Variants in SSUH2 observed in about 807,000 individuals in gnomAD.
The protein encoded by SSUH2 is protein SSUH2 homolog.
SSUH2 carries 47 observed loss-of-function variants against 55.3 expected under a neutral mutation model. That is an observed-to-expected ratio of 0.85 (90% CI 0.67 to 1.08). The LOEUF (loss-of-function observed/expected upper bound fraction) is 1.08, where lower values mean the gene tolerates loss of function less well. Ranked by LOEUF, SSUH2 falls within the 50% of genes least tolerant of loss-of-function variation. The pLI is 0.00. For synonymous variants in SSUH2, 212 were observed against 191.5 expected (o/e 1.11, Z -0.89); for missense variants, 535 against 490.7 (o/e 1.09, Z -0.85).
At chr3:8,654,168 T>C (rs755011463) in intron 7 of SSUH2, among the ~76,000 whole-genome samples, 80 of 152,310 alleles carry the variant, frequency 5.3e-4, no homozygotes, top group Middle Eastern at 3.4e-3. Context: ...TATGCCCTCA[T>C]GTGGAGAGGA....
chr3:8,668,490 C>A (rs997610768), intron 5 of SSUH2, among the ~76,000 whole-genome samples: 14 of 152,156 alleles, frequency 9.2e-5, no homozygotes, highest in Admixed American at 9.2e-4. Context: ...TCCATTATTT[C>A]TCTTTTTTTT....
chr3:8,629,633 C>CTGACTCACCAATGGTTCACAGA, intron 7 of SSUH2, 31 bp downstream of exon 7: 1 of 1,587,726 alleles, frequency 6.3e-7, no homozygotes, highest in Non-Finnish European at 8.6e-7. Context: ...CACACCCTCA[C>CTGACTCACCAATGGTTCACAGA]TGACTCACCA....
chr3:8,638,379 C>T (rs1283550405), intron 1 of SSUH2, among the ~76,000 whole-genome samples: 2 of 152,206 alleles, frequency 1.3e-5, no homozygotes, highest in African/African-American at 4.8e-5. Flanking sequence ...AAGGTCTTTT[C>T]CTCCTGGCAG....
In SSUH2 at chr3:8,670,804, T is replaced by C. The variant is rs181929799; in HGVS notation, c.-455+194A>G. ...GACGATTCATATCACAGGGTATACA[T>C]CCCCTTGACAATAGTAGCAACATTC... On this transcript the variant is annotated intron_variant, in intron 5 of 18. Transcript: ENST00000317371. Among the ~76,000 whole-genome samples, 4 of 152,070 alleles carry C rather than the reference T, an allele frequency of 2.6e-5. No individual in the cohort carries two copies. The East Asian group carries it at 5.8e-4, about 22-fold the overall frequency.
At chr3:8,624,913 G>C (rs142527615) in intron 10 of SSUH2, among the ~76,000 whole-genome samples, 1 of 152,070 alleles carries the variant, frequency 6.6e-6, no homozygotes, top group East Asian at 1.9e-4. Context: ...TCGCTCCCAC[G>C]CCACAAGGTC....
At chr3:8,623,006 C>T (rs529086264) in intron 11 of SSUH2, among the ~76,000 whole-genome samples, 1 of 152,314 alleles carries the variant, frequency 6.6e-6, no homozygotes, top group South Asian at 2.1e-4. Flanking sequence ...GGCCAACCTC[C>T]CACGTTAGGG....
chr3:8,650,396 C>A (rs565108537), intron 7 of SSUH2, among the ~76,000 whole-genome samples: 2 of 152,154 alleles, frequency 1.3e-5, no homozygotes, highest in East Asian at 3.9e-4. Flanking sequence ...GTGAACAGAG[C>A]CTGGAAAATA....
intron 4 of SSUH2, among the ~76,000 whole-genome samples, chr3:8,632,928 A>G (rs997736263): frequency 3.3e-5 from 5 of 152,200 alleles, no homozygotes; most frequent in African/African-American, 1.2e-4. Context: ...CTTTGAGGCT[A>G]CCAAATCTGA....
chr3:8,621,252 T>C (rs9873774), intron 11 of SSUH2, among the ~76,000 whole-genome samples: 5,359 of 152,298 alleles, frequency 0.035, 293 homozygotes, highest in African/African-American at 0.12. Flanking sequence ...GGTGGCATGA[T>C]TGGCCCAGGG....
chr3:8,671,075 G>T (rs1353845238), exon 5 of SSUH2: 1 of 323,466 alleles, frequency 3.1e-6, no homozygotes, highest in African/African-American at 2.1e-5. Flanking sequence ...ATTGTGAAAT[G>T]ACTAGTGAAG....
intron 6 of SSUH2, among the ~76,000 whole-genome samples, chr3:8,662,029 C>T (rs1022761658): frequency 7.2e-5 from 11 of 152,142 alleles, no homozygotes; most frequent in African/African-American, 2.7e-4. Context: ...GTGAGGCTGC[C>T]CCAGCCACGT....
In SSUH2 at chr3:8,629,071, A is replaced by G. The variant is rs569217983; in HGVS notation, c.588+593T>C. On this transcript the variant is annotated intron_variant, in intron 7 of 11. Transcript: ENST00000544814. Reference sequence around the variant, plus strand: ...AGACGGGGTTTCACCGTGTTAGCCCAGATGGTCTCGATCTCTTGACCTCGT... The same window carrying G: ...AGACGGGGTTTCACCGTGTTAGCCCGGATGGTCTCGATCTCTTGACCTCGT... Among the ~76,000 whole-genome samples, 190 of 152,196 alleles carry G rather than the reference A, an allele frequency of 1.2e-3. 1 individual carries two copies. The Middle Eastern group carries it at 0.014, about 11-fold the overall frequency.
intron 5 of SSUH2, among the ~76,000 whole-genome samples, chr3:8,668,421 GATT>G (rs1559528320): frequency 6.6e-6 from 1 of 152,166 alleles, no homozygotes; most frequent in Non-Finnish European, 1.5e-5. Context: ...ATCTCTCTTG[GATT>G]ATTGTCTTAA....
chr3:8,652,517 G>A (rs1702528721), intron 7 of SSUH2, among the ~76,000 whole-genome samples: 1 of 152,162 alleles, frequency 6.6e-6, no homozygotes, highest in African/African-American at 2.4e-5. Flanking sequence ...ATAAGAGAGA[G>A]GAAAGAAAGG....
At chr3:8,645,476 C>G (rs1039297261), upstream of SSUH2, among the ~76,000 whole-genome samples, 5 of 152,180 alleles carry the variant, frequency 3.3e-5, no homozygotes, top group African/African-American at 4.8e-5. Flanking sequence ...TTTGACACCC[C>G]TTCAACCTCA....
chr3:8,670,359 T>C (rs1246717780), intron 5 of SSUH2, among the ~76,000 whole-genome samples: 1 of 151,994 alleles, frequency 6.6e-6, no homozygotes, highest in Non-Finnish European at 1.5e-5. Context: ...TAGGATATTA[T>C]GAATAATAAC....
At chr3:8,681,252 A>AGTC (rs1705925981) in intron 1 of SSUH2, among the ~76,000 whole-genome samples, 2 of 130,302 alleles carry the variant, frequency 1.5e-5, no homozygotes, top group Admixed American at 7.5e-5. Flanking sequence ...GGGTGGGAGG[A>AGTC]ACCCCGTGAG....
intron 6 of SSUH2, 35 bp downstream of exon 6, chr3:8,630,770 G>A: frequency 1.5e-6 from 2 of 1,344,128 alleles, no homozygotes; most frequent in Non-Finnish European, 1.9e-6. Context: ...CAGGGAGAAG[G>A]GCAAGTATTC....
At position 8,635,319 on chromosome 3, in the gene SSUH2, G is replaced by C. The variant is rs1234755962; in HGVS notation, c.190C>G (p.Pro64Ala). The change falls in exon 3 of 12, where the codon CCC becomes GCC. Residue 64 changes from proline (P) to alanine (A), a missense_variant. Coordinates refer to ENST00000544814, the MANE Select transcript of SSUH2 (RefSeq NM_001256748.3). ...PGRPQEQRSWPSFLEHRVPAM... is the reference protein window; with the variant it reads ...PGRPQEQRSWASFLEHRVPAM... ...ACTCACCTGTGTTCCAGGAACGAGG[G>C]CCAGGACCTTTGCTCCTGGGGCCTC... The C allele has an allele frequency of 6.5e-7, 1 of 1,535,888 alleles. No homozygotes were observed. The highest frequency in any genetic ancestry group is 2.0e-5 in the Admixed American group (1 of 51,000).
Sources: allele counts gnomAD v4.1 joint callset (sites outside exome capture counted in the v4.1 genomes callset), GRCh38; gene constraint gnomAD v4.1.1; transcripts MANE v1.5; gene names NCBI Gene and HGNC (gene_info 2026-07-23, HGNC 2026-07-21).